ADD1: variants seen among roughly 807,000 people sequenced by gnomAD.
ADD1 encodes the protein adducin 1.
In ADD1, 24 loss-of-function variants were observed where a neutral mutation model predicts 80.5. That is an observed-to-expected ratio of 0.30 (90% CI 0.22 to 0.42). The LOEUF (loss-of-function observed/expected upper bound fraction) is 0.42. Among genes scored for constraint, ADD1 ranks in the 10% least tolerant of loss-of-function variants. ADD1 has a pLI of 1.00. For missense variants in ADD1, 948 were observed against 1,019.0 expected (o/e 0.93, Z 0.95); for synonymous variants, 373 against 393.8 (o/e 0.95, Z 0.63).
intron 14 of ADD1, 87 bp downstream of exon 14, chr4:2,915,127 T>A: frequency 7.0e-7 from 1 of 1,419,550 alleles, no homozygotes; most frequent in East Asian, 2.5e-5. Context: ...TGGCTGTGGG[T>A]GGTGATAAGA....
chr4:2,885,642 C>T (rs1733138862), intron 4 of ADD1, among the ~76,000 whole-genome samples: 1 of 151,370 alleles, frequency 6.6e-6, no homozygotes, highest in Admixed American at 6.6e-5. Context: ...CAGAGACTTG[C>T]TCTGTTGCCC....
At chr4:2,915,134 A>G (rs1738778097) in intron 14 of ADD1, 94 bp downstream of exon 14, 7 of 1,352,934 alleles carry the variant, frequency 5.2e-6, no homozygotes, top group Non-Finnish European at 7.0e-6. Context: ...GGGTGGTGAT[A>G]AGAATAGTCA....
intron 1 of ADD1, among the ~76,000 whole-genome samples, chr4:2,855,285 T>C (rs1020724407): frequency 6.6e-6 from 1 of 152,178 alleles, no homozygotes; most frequent in African/African-American, 2.4e-5. Flanking sequence ...GTAATTTCTG[T>C]CTTTTAACTG....
intron 10 of ADD1, 39 bp downstream of exon 10, chr4:2,905,147 G>C: frequency 6.3e-7 from 1 of 1,597,010 alleles, no homozygotes; most frequent in Non-Finnish European, 8.6e-7. Context: ...AGATGACGTA[G>C]AGCAAGTTGG....
At chr4:2,845,983 G>A (rs1320927228) in intron 1 of ADD1, among the ~76,000 whole-genome samples, 3 of 152,104 alleles carry the variant, frequency 2.0e-5, no homozygotes, top group South Asian at 2.1e-4. Flanking sequence ...AGTCAATCTT[G>A]CTTCATCATA....
chr4:2,897,981 C>T (rs370103094), intron 6 of ADD1, among the ~76,000 whole-genome samples: 1 of 152,066 alleles, frequency 6.6e-6, no homozygotes. Context: ...TGAGGCTCTC[C>T]CAGTTTAGGG....
chr4:2,897,802 G>A (rs1735511716), intron 6 of ADD1, among the ~76,000 whole-genome samples: 1 of 152,142 alleles, frequency 6.6e-6, no homozygotes, highest in Non-Finnish European at 1.5e-5. Flanking sequence ...GATTACAGGT[G>A]TGAGCCACCA....
At chr4:2,923,833 G>T (rs542537977) in intron 14 of ADD1, among the ~76,000 whole-genome samples, 3 of 152,234 alleles carry the variant, frequency 2.0e-5, no homozygotes, top group Non-Finnish European at 4.4e-5. Context: ...CAGACAGGGC[G>T]GCTCGCGAGA....
intron 1 of ADD1, among the ~76,000 whole-genome samples, chr4:2,852,791 C>T (rs1195354962): frequency 6.7e-6 from 1 of 149,392 alleles, no homozygotes. Context: ...GCCTTGACCT[C>T]GTGGGCCCGA....
At position 2,907,761 on chromosome 4, in the gene ADD1, C is replaced by T. The variant is rs1390352108; in HGVS notation, c.1525C>T (p.His509Tyr). 1 of 1,614,036 alleles carries T rather than the reference C, an allele frequency of 6.2e-7. No individual in the cohort carries two copies. The highest frequency in any genetic ancestry group is 1.1e-5 in the South Asian group (1 of 91,076). ...TNCLWTKEDG[H>Y]RTSTSAVPNL... ...ATTACAGTGGACTAAAGAGGATGGACATAGAACTTCCACCTCTGCTGTCCC... is the reference window on the plus strand; with the variant it reads ...ATTACAGTGGACTAAAGAGGATGGATATAGAACTTCCACCTCTGCTGTCCC... The change falls in exon 11 of 16, where the codon CAT (histidine) becomes TAT (tyrosine). Residue 509 changes from histidine (H) to tyrosine (Y), a missense_variant. Physicochemically the swap from His to Tyr is moderately conservative, Grantham distance 83 (BLOSUM62 2). Coordinates refer to ENST00000683351, the MANE Select transcript of ADD1 (RefSeq NM_001354761.2).
intron 1 of ADD1, among the ~76,000 whole-genome samples, chr4:2,866,536 T>C (rs1262523155): frequency 6.6e-6 from 1 of 152,072 alleles, no homozygotes; most frequent in Non-Finnish European, 1.5e-5. Context: ...TTAAAATTAG[T>C]AATACAGAAT....
chr4:2,853,478 G>A (rs1241687019), intron 1 of ADD1: 1 of 152,094 alleles, frequency 6.6e-6, no homozygotes, highest in East Asian at 1.9e-4. Flanking sequence ...GTTTCCAACT[G>A]TAATATTTTT....
At chr4:2,882,207 G>A (rs1345685339) in intron 3 of ADD1, 147 bp downstream of exon 3, 1 of 715,584 alleles carries the variant, frequency 1.4e-6, no homozygotes, top group East Asian at 3.2e-5. Flanking sequence ...GTTAGTCATA[G>A]TAAAAGATAG....
rs551280534 is a variant in ADD1, at chr4:2,848,712, A to G, written c.-21+4688A>G. ...GGCTGGTCTTGAATTCCTGGTCTCA[A>G]GTGATCCTCCTGTCTCAGCCTCTGA... is the stretch of plus-strand genomic sequence containing the variant. On this transcript the variant is annotated intron_variant, in intron 1 of 15. Coordinates refer to ENST00000683351, the MANE Select transcript of ADD1 (RefSeq NM_001354761.2). Among the ~76,000 whole-genome samples the G allele has an allele frequency of 4.6e-5, 7 of 152,192 alleles. No homozygotes were observed. In the South Asian group the frequency reaches 1.2e-3, roughly 27 times the overall value.
intron 4 of ADD1, among the ~76,000 whole-genome samples, chr4:2,889,320 A>G (rs1049728854): frequency 2.9e-4 from 44 of 152,194 alleles, no homozygotes; most frequent in African/African-American, 1.0e-3. Flanking sequence ...CTTCTATACT[A>G]TACATAATCA....
At chr4:2,851,456 A>G (rs975819456) in intron 1 of ADD1, among the ~76,000 whole-genome samples, 2 of 152,186 alleles carry the variant, frequency 1.3e-5, no homozygotes, top group Non-Finnish European at 2.9e-5. Flanking sequence ...TAAGAGGGAA[A>G]GACACAGAAG....
Position 2,894,024 on chromosome 4 carries a change from C to G in ADD1, c.522C>G (p.Asn174Lys). Residue 174 changes from asparagine (N) to lysine (K), a missense_variant, in exon 5 of 16, where the codon AAC becomes AAG. Transcript: ENST00000683351. ...CATTTTCCCCACAGACCAGAGTGAA[C>G]TCCGAGCAGGAACACTTCCTCATTG... ...LIYNHITTRVNSEQEHFLIVP... is the reference protein window; with the variant it reads ...LIYNHITTRVKSEQEHFLIVP... The G allele has an allele frequency of 6.2e-7, 1 of 1,614,110 alleles. No individual in the cohort carries two copies. The highest frequency in any genetic ancestry group is 1.1e-5 in the South Asian group (1 of 91,076).
At chr4:2,848,187 C>A (rs997955438) in intron 1 of ADD1, among the ~76,000 whole-genome samples, 3 of 151,312 alleles carry the variant, frequency 2.0e-5, no homozygotes, top group African/African-American at 7.3e-5. Flanking sequence ...TGCATTCCAG[C>A]CTGGGACAGA....
At chr4:2,911,716 A>C (rs895326061) in intron 13 of ADD1, among the ~76,000 whole-genome samples, 12 of 152,132 alleles carry the variant, frequency 7.9e-5, no homozygotes, top group African/African-American at 2.9e-4. Flanking sequence ...TCAGCCTCCC[A>C]AAATGCTGGG....
Sources: allele counts gnomAD v4.1 joint callset (sites outside exome capture counted in the v4.1 genomes callset), GRCh38; gene constraint gnomAD v4.1.1; transcripts MANE v1.5; gene names NCBI Gene and HGNC (gene_info 2026-07-23, HGNC 2026-07-21).